DSC1: variants seen among roughly 807,000 people sequenced by gnomAD.
The protein encoded by DSC1 is desmocollin-1.
Under a neutral mutation model 98.8 loss-of-function variants are expected in DSC1, and 79 were observed. That is an observed-to-expected ratio of 0.80 (90% CI 0.67 to 0.96). DSC1 has a LOEUF of 0.96. DSC1 is among the 50% of genes least tolerant of loss of function. The probability of loss-of-function intolerance (pLI) is 0.00; values close to 1 mark genes in which losing one functional copy is unlikely to be tolerated. For synonymous variants in DSC1, 405 were observed against 372.1 expected (o/e 1.09, Z -1.02); for missense variants, 1,115 against 1,075.9 (o/e 1.04, Z -0.51).
At chr18:31,155,422 G>A (rs1444847533) in intron 4 of DSC1, among the ~76,000 whole-genome samples, 1 of 152,112 alleles carries the variant, frequency 6.6e-6, no homozygotes, top group Non-Finnish European at 1.5e-5. Context: ...CTGAGATCAG[G>A]AGTTCAAGAC....
In DSC1 at chr18:31,159,445, C is replaced by A. The variant is rs186695759; in HGVS notation, c.148G>T (p.Val50Leu). ...TGAAACTGTTAATAGTGTTTCTCAC[C>A]TTTGCCTACAAGTGTTTCAGCCTGA... ...HLQAETLVGK[V>L]NLEECLKSAS... Residue 50 changes from valine to leucine, a missense_variant and splice_region_variant, in exon 2 of 16, where the codon GTG (valine) becomes TTG (leucine). Val to Leu is a conservative substitution (Grantham distance 32). Transcript: ENST00000257198. 1.9e-6 allele frequency: 3 copies of A among 1,611,986 alleles called. No homozygotes were observed. The highest frequency in any genetic ancestry group is 2.2e-5 in the East Asian group (1 of 44,770).
rs778876463 is a variant in DSC1 at position 31,145,729 on chromosome 18, G to A, written c.821C>T (p.Thr274Ile). The change falls in exon 7 of 16, where the codon ACT (threonine) becomes ATT (isoleucine). Residue 274 changes from threonine (T) to isoleucine (I), a missense_variant. Physicochemically the swap from Thr to Ile is moderately conservative, Grantham distance 89. Coordinates refer to ENST00000257198, the MANE Select transcript of DSC1 (RefSeq NM_024421.2). Reference protein sequence around the residue: ...VTATDLDEPDTLHTRLKYKIL... With the variant: ...VTATDLDEPDILHTRLKYKIL... Reference sequence around the variant, plus strand: ...TTTATATTTCAGACGAGTATGGAGAGTGTCAGGTTCGTCAAGGTCTGTGGC... The same window carrying A: ...TTTATATTTCAGACGAGTATGGAGAATGTCAGGTTCGTCAAGGTCTGTGGC... 2 of 1,614,192 alleles carry A rather than the reference G, an allele frequency of 1.2e-6. No homozygotes were observed. The highest frequency in any genetic ancestry group is 1.1e-5 in the South Asian group (1 of 91,086).
In DSC1 at chr18:31,159,483, A is replaced by C; in HGVS notation, c.110T>G (p.Val37Gly). Residue 37 changes from valine to glycine, a missense_variant, in exon 2 of 16, where the codon GTT (valine) becomes GGT (glycine). Coordinates refer to ENST00000257198, the MANE Select transcript of DSC1 (RefSeq NM_024421.2). ...TGTTTCAGCCTGAAGATGAGAAGGA[A>C]CTCGAAGATAAACTTTCTGACAAGC... ...CDACQKVYLR[V>G]PSHLQAETLV... 6.2e-7 allele frequency: 1 copy of C among 1,613,218 alleles called. No homozygotes were observed. The highest frequency in any genetic ancestry group is 8.5e-7 in the Non-Finnish European group (1 of 1,179,810).
chr18:31,131,035 G>A (rs1368676321), intron 15 of DSC1, among the ~76,000 whole-genome samples: 1 of 152,102 alleles, frequency 6.6e-6, no homozygotes, highest in African/African-American at 2.4e-5. Flanking sequence ...CGTATTTGAG[G>A]AAAACCAATA....
At position 31,142,018 on chromosome 18, in the gene DSC1, C is replaced by A; in HGVS notation, c.1241G>T (p.Gly414Val). Residue 414 changes from glycine to valine, a missense_variant, in exon 9 of 16, where the codon GGA becomes GTA. Physicochemically the swap from Gly to Val is moderately radical, Grantham distance 109. Transcript: ENST00000257198. ...IISTDPNTNE[G>V]VLCVVKPLNY... ...GTTTACCTTGACAACACACAGCACT[C>A]CTTCATTTGTATTTGGATCTGTGCT... The A allele has an allele frequency of 6.2e-7, 1 of 1,607,198 alleles. No homozygotes were observed. The highest frequency in any genetic ancestry group is 2.2e-5 in the East Asian group (1 of 44,690).
chr18:31,146,972 T>C (rs1262532539), intron 6 of DSC1, among the ~76,000 whole-genome samples: 1 of 152,150 alleles, frequency 6.6e-6, no homozygotes, highest in Non-Finnish European at 1.5e-5. Flanking sequence ...ATTAGACACA[T>C]TGCATTAGTA....
In DSC1 at chr18:31,140,304, G is replaced by T; in HGVS notation, c.1261-3C>A. 6.2e-7 allele frequency: 1 copy of T among 1,613,340 alleles called. No individual in the cohort carries two copies. Among genetic ancestry groups the T allele is most frequent in the Non-Finnish European group, 8.5e-7 (1 of 1,179,480 alleles). ...CGATTGACTTCATAGTTCAATGGCT[G>T]TTAAATAAGCATACTTTAATAAGTC... is the stretch of plus-strand genomic sequence containing the variant. On this transcript the variant is annotated splice_polypyrimidine_tract_variant and splice_region_variant and intron_variant, in intron 9 of 15. Transcript: ENST00000257198.
At chr18:31,156,012 A>C in intron 4 of DSC1, 31 bp downstream of exon 4, 1 of 1,599,660 alleles carries the variant, frequency 6.3e-7, no homozygotes, top group Non-Finnish European at 8.5e-7. Context: ...AAAAATTTGG[A>C]CACATATAAA....
At chr18:31,135,246 G>C (rs1454018993) in intron 11 of DSC1, among the ~76,000 whole-genome samples, 2 of 151,918 alleles carry the variant, frequency 1.3e-5, no homozygotes, top group Non-Finnish European at 1.5e-5. Context: ...TGTAGCATTC[G>C]GTTGCCACTC....
At chr18:31,162,303 AAC>A (rs2143940827) in intron 1 of DSC1, among the ~76,000 whole-genome samples, 1 of 152,260 alleles carries the variant, frequency 6.6e-6, no homozygotes, top group Admixed American at 6.5e-5. Flanking sequence ...TTCCCTTGAA[AAC>A]TTTTAACACT....
chr18:31,162,462 A>G, intron 1 of DSC1, 70 bp downstream of exon 1: 3 of 1,492,138 alleles, frequency 2.0e-6, no homozygotes, highest in Non-Finnish European at 2.8e-6. Context: ...AGTCTCTTTC[A>G]AGCCCAAACT....
At chr18:31,131,374 G>A (rs1988484702) in intron 15 of DSC1, 2 of 602,628 alleles carry the variant, frequency 3.3e-6, no homozygotes, top group South Asian at 4.1e-5. Flanking sequence ...ATCTACATAT[G>A]GCACTCCTAG....
At chr18:31,146,565 T>G (rs1475537412) in intron 6 of DSC1, among the ~76,000 whole-genome samples, 2 of 152,310 alleles carry the variant, frequency 1.3e-5, no homozygotes, top group Non-Finnish European at 1.5e-5. Flanking sequence ...GCAAGTGTCT[T>G]TTGGTAGAAT....
intron 7 of DSC1, among the ~76,000 whole-genome samples, chr18:31,144,936 C>CTTTT (rs200787420): frequency 2.0e-4 from 19 of 95,284 alleles, no homozygotes; most frequent in Admixed American, 4.8e-4. Flanking sequence ...TTTTCTTTTT[C>CTTTT]TTTCTTTTTT....
intron 13 of DSC1, among the ~76,000 whole-genome samples, chr18:31,133,663 C>G (rs1313177459): frequency 6.6e-6 from 1 of 151,966 alleles, no homozygotes; most frequent in African/African-American, 2.4e-5. Context: ...CAATGTCTCA[C>G]AGATAATTAT....
intron 9 of DSC1, among the ~76,000 whole-genome samples, chr18:31,140,679 TTAGA>T (rs1282611271): frequency 6.6e-6 from 1 of 152,216 alleles, no homozygotes; most frequent in African/African-American, 2.4e-5. Flanking sequence ...TATACAATAA[TTAGA>T]TAGAAATTTG....
chr18:31,157,347 G>A, intron 3 of DSC1, 24 bp downstream of exon 3: 1 of 1,611,372 alleles, frequency 6.2e-7, no homozygotes, highest in Non-Finnish European at 8.5e-7. Flanking sequence ...ACTGTGCTAG[G>A]CTGCTTAAGC....
intron 6 of DSC1, among the ~76,000 whole-genome samples, chr18:31,147,753 G>T (rs1988876318): frequency 6.6e-6 from 1 of 151,898 alleles, no homozygotes; most frequent in African/African-American, 2.4e-5. Context: ...AATATAAACT[G>T]GTACTACACA....
chr18:31,154,230 G>C (rs187433063), intron 5 of DSC1, among the ~76,000 whole-genome samples: 3 of 151,034 alleles, frequency 2.0e-5, no homozygotes, highest in African/African-American at 7.3e-5. Flanking sequence ...GAAGTAAAAT[G>C]GTACTAAGGG....
Sources: allele counts gnomAD v4.1 joint callset (sites outside exome capture counted in the v4.1 genomes callset), GRCh38; gene constraint gnomAD v4.1.1; transcripts MANE v1.5; gene names NCBI Gene and HGNC (gene_info 2026-07-23, HGNC 2026-07-21).